The following MEIOB variants were observed in gnomAD, a reference collection of about 807,000 sequenced individuals.
MEIOB encodes the protein meiosis-specific with OB domain-containing protein.
A neutral mutation model predicts 53.1 loss-of-function variants in MEIOB; 50 were observed. The observed-to-expected ratio is 0.94, with a 90% CI of 0.75 to 1.19. The LOEUF is 1.19. Ranked by LOEUF, MEIOB falls within the 50% of genes most tolerant of loss-of-function variation. MEIOB has a pLI of 0.00. For synonymous variants in MEIOB, 192 were observed against 182.5 expected (o/e 1.05, Z -0.42); for missense variants, 551 against 550.8 (o/e 1.00, Z 0.00).
At chr16:1,859,732 C>A (rs1410083784) in intron 5 of MEIOB, among the ~76,000 whole-genome samples, 1 of 152,098 alleles carries the variant, frequency 6.6e-6, no homozygotes, top group Non-Finnish European at 1.5e-5. Context: ...ATGCTGTAGA[C>A]TGCTGTGCCC....
At chr16:1,867,090 A>T (rs453586) in intron 2 of MEIOB, among the ~76,000 whole-genome samples, 125,521 of 152,088 alleles carry the variant, frequency 0.83, 51,926 homozygotes, top group Middle Eastern at 0.9. Context: ...TTAATATTTT[A>T]AAATTTTAAA....
intron 1 of MEIOB, 52 bp from the exon 2 acceptor site, chr16:1,868,236 A>T: frequency 1.0e-6 from 1 of 1,004,964 alleles, no homozygotes; most frequent in Non-Finnish European, 1.5e-6. Context: ...AATGAAATAA[A>T]TCATTTAAAA....
intron 10 of MEIOB, among the ~76,000 whole-genome samples, chr16:1,842,749 C>T (rs1418628178): frequency 4.0e-5 from 6 of 150,764 alleles, no homozygotes; most frequent in Non-Finnish European, 8.9e-5. Context: ...CTGCAAGCTC[C>T]GCCTCCCAGG....
chr16:1,860,546 A>C, intron 4 of MEIOB, 71 bp from the exon 5 acceptor site: 1 of 858,436 alleles, frequency 1.2e-6, no homozygotes, highest in Non-Finnish European at 1.9e-6. Context: ...CCTAAATAAC[A>C]TCCTGTTTAA....
intron 13 of MEIOB, among the ~76,000 whole-genome samples, chr16:1,834,937 C>T (rs562691778): frequency 8.6e-6 from 1 of 116,878 alleles, no homozygotes; most frequent in Non-Finnish European, 1.8e-5. Flanking sequence ...CTCTGTCCCC[C>T]CCACCCCCCC....
chr16:1,847,721 C>T (rs1244393773), intron 9 of MEIOB, among the ~76,000 whole-genome samples: 2 of 151,982 alleles, frequency 1.3e-5, no homozygotes, highest in African/African-American at 4.8e-5. Flanking sequence ...CCATATAAAT[C>T]GGGCTGCCCT....
chr16:1,860,074 G>A (rs1256227820), intron 5 of MEIOB, among the ~76,000 whole-genome samples: 1 of 152,242 alleles, frequency 6.6e-6, no homozygotes, highest in Non-Finnish European at 1.5e-5. Context: ...TGGTAAGCCT[G>A]TGAGTAGAAG....
At chr16:1,849,203 G>A (rs536115875) in intron 9 of MEIOB, among the ~76,000 whole-genome samples, 2 of 152,124 alleles carry the variant, frequency 1.3e-5, no homozygotes, top group South Asian at 2.1e-4. Flanking sequence ...GGTGGATCAC[G>A]AGGTCAAGAA....
intron 6 of MEIOB, among the ~76,000 whole-genome samples, chr16:1,854,914 T>G (rs1276320014): frequency 6.6e-6 from 1 of 151,284 alleles, no homozygotes; most frequent in Non-Finnish European, 1.5e-5. Flanking sequence ...CAGGCACCTC[T>G]GAGAGATGCA....
At chr16:1,842,214 TA>T (rs1898928848) in intron 10 of MEIOB, among the ~76,000 whole-genome samples, 1 of 151,932 alleles carries the variant, frequency 6.6e-6, no homozygotes, top group African/African-American at 2.4e-5. Context: ...AAGACACCAT[TA>T]AAAAGTGAAA....
At chr16:1,861,401 C>T (rs1185652701) in intron 4 of MEIOB, among the ~76,000 whole-genome samples, 2 of 151,958 alleles carry the variant, frequency 1.3e-5, no homozygotes, top group Non-Finnish European at 1.5e-5. Context: ...AGAAAGATAA[C>T]CAATTATAAC....
chr16:1,854,832 T>TA lies in MEIOB; in HGVS notation c.529-633dup, dbSNP rs535655501. Among the ~76,000 whole-genome samples the TA allele has an allele frequency of 4.5e-3, 626 of 138,064 alleles. 6 individuals are homozygous for TA. Among genetic ancestry groups the TA allele is most frequent in the East Asian group, 0.017 (83 of 4,856 alleles). The allele number at this position is 138,064 out of a possible 152,430, so 90.6% of individuals were successfully genotyped here. On this transcript the variant is annotated intron_variant, in intron 6 of 13. Coordinates refer to ENST00000325962, the MANE Select transcript of MEIOB (RefSeq NM_001163560.3). ...AATCCTCTTGCCCATTAAAGCAAGT[T>TA]AAAAAAAAAAAAAAAGAAGAGTTGA...
At chr16:1,839,547 T>G in intron 11 of MEIOB, 109 bp from the exon 12 acceptor site, 1 of 985,990 alleles carries the variant, frequency 1.0e-6, no homozygotes, top group Non-Finnish European at 1.5e-6. Flanking sequence ...TGTGGAAAAC[T>G]TACTGAGTGT....
chr16:1,837,701 G>A lies in MEIOB; in HGVS notation c.1305+83C>T, dbSNP rs113237176. 1,175 of 709,288 alleles carry A rather than the reference G, an allele frequency of 1.7e-3. 15 individuals carry two copies. The African/African-American group carries it at 0.019, about 11-fold the overall frequency. 43.9% of individuals were successfully genotyped at this position (709,288 alleles called of 1,614,324 possible). A position where few individuals can be genotyped will look rare whatever the true frequency, so the allele number is the denominator to read the frequency against. Reference sequence around the variant, plus strand: ...TGGGCATTAGAAATAATAAATTCTCGAATTTATCTAGGTTTTTCTTATGGT... The same window carrying A: ...TGGGCATTAGAAATAATAAATTCTCAAATTTATCTAGGTTTTTCTTATGGT... On this transcript the variant is annotated intron_variant, in intron 13 of 13. Transcript: ENST00000325962.
At chr16:1,841,759 T>C in intron 11 of MEIOB, 61 bp downstream of exon 11, 1 of 1,285,132 alleles carries the variant, frequency 7.8e-7, no homozygotes, top group South Asian at 2.0e-5. Context: ...GAGCTTAAAA[T>C]TTATTAACAA....
intron 6 of MEIOB, 27 bp from the exon 7 acceptor site, chr16:1,854,227 C>T (rs1027266892): frequency 2.3e-6 from 3 of 1,329,796 alleles, no homozygotes; most frequent in African/African-American, 2.9e-5. Context: ...AATCATTACT[C>T]TTCACCTATA....
At chr16:1,860,907 T>C (rs925379763) in intron 4 of MEIOB, among the ~76,000 whole-genome samples, 26 of 152,064 alleles carry the variant, frequency 1.7e-4, no homozygotes, top group Non-Finnish European at 8.8e-5. Context: ...AAGAGGAGTG[T>C]TTTCATTACC....
At chr16:1,858,261 T>C (rs1278359140) in intron 5 of MEIOB, among the ~76,000 whole-genome samples, 1 of 152,150 alleles carries the variant, frequency 6.6e-6, no homozygotes, top group Non-Finnish European at 1.5e-5. Flanking sequence ...ACCCAAGGAC[T>C]GGTTGTTTCT....
At chr16:1,837,280 C>T (rs60181953) in intron 13 of MEIOB, among the ~76,000 whole-genome samples, 26,817 of 151,624 alleles carry the variant, frequency 0.18, 2,496 homozygotes, top group South Asian at 0.27. Flanking sequence ...CCCGCAACAA[C>T]CCAAGCACTT....
Sources: allele counts gnomAD v4.1 joint callset (sites outside exome capture counted in the v4.1 genomes callset), GRCh38; gene constraint gnomAD v4.1.1; transcripts MANE v1.5; gene names NCBI Gene and HGNC (gene_info 2026-07-23, HGNC 2026-07-21).